Variants in GPALPP1 observed in about 807,000 individuals in gnomAD.
The protein encoded by GPALPP1 is GPALPP motifs-containing protein 1.
In GPALPP1, 30 loss-of-function variants were observed where a neutral mutation model predicts 38.9. The observed-to-expected ratio is 0.77, with a 90% CI of 0.58 to 1.05. The LOEUF is 1.05. Ranked by LOEUF, GPALPP1 falls within the 50% of genes least tolerant of loss-of-function variation. The probability of loss-of-function intolerance (pLI) is 0.00; values close to 1 mark genes in which losing one functional copy is unlikely to be tolerated. For synonymous variants in GPALPP1, 120 were observed against 139.2 expected, an observed-to-expected ratio of 0.86 and a Z score of 0.97; for missense variants, 384 against 408.8, an observed-to-expected ratio of 0.94 and a Z score of 0.52.
At chr13:44,995,169 AACACACACAC>A (rs371911111) in intron 1 of GPALPP1, among the ~76,000 whole-genome samples, 3 of 128,534 alleles carry the variant, frequency 2.3e-5, no homozygotes, top group Non-Finnish European at 4.8e-5. Context: ...CCTATCTTTA[AACACACACAC>A]ACACACACAC....
In GPALPP1 at chr13:44,992,693, C is replaced by T. The variant is rs370814070; in HGVS notation, c.88+2951C>T. On this transcript the variant is annotated intron_variant, in intron 1 of 7. Transcript: ENST00000379151. ...TTGCCCCTGTAAGGGTATCCTGGCACCATTTATTGAACAGACCATCCTTTC... is the reference window on the plus strand; with the variant it reads ...TTGCCCCTGTAAGGGTATCCTGGCATCATTTATTGAACAGACCATCCTTTC... Among the ~76,000 whole-genome samples the T allele has an allele frequency of 4.6e-5, 7 of 152,270 alleles. No individual in the cohort carries two copies. The South Asian group carries it at 1.4e-3, about 32-fold the overall frequency.
At chr13:45,024,147 C>CTGTGTGTG (rs58048658) in intron 7 of GPALPP1, among the ~76,000 whole-genome samples, 31 of 23,388 alleles carry the variant, frequency 1.3e-3, no homozygotes, top group Non-Finnish European at 2.0e-3. Context: ...CCCTAAAACT[C>CTGTGTGTG]TGTGTGTGTG....
At chr13:45,015,660 T>C in intron 6 of GPALPP1, 64 bp downstream of exon 6, 4 of 1,113,568 alleles carry the variant, frequency 3.6e-6, no homozygotes, top group East Asian at 2.8e-5. Context: ...TGAAAAGATA[T>C]AATGCAAAAT....
intron 4 of GPALPP1, among the ~76,000 whole-genome samples, chr13:45,010,405 C>A (rs905978075): frequency 2.6e-5 from 4 of 152,188 alleles, no homozygotes; most frequent in Non-Finnish European, 5.9e-5. Flanking sequence ...ACCGAAGATA[C>A]TATTAATTTT....
intron 7 of GPALPP1, among the ~76,000 whole-genome samples, chr13:45,020,687 T>C (rs1033312742): frequency 6.6e-6 from 1 of 152,044 alleles, no homozygotes; most frequent in Admixed American, 6.6e-5. Context: ...TAGCCTTTTT[T>C]CCCCTATCTT....
intron 6 of GPALPP1, among the ~76,000 whole-genome samples, chr13:45,019,845 T>C (rs577022668): frequency 6.7e-6 from 1 of 150,014 alleles, no homozygotes; most frequent in East Asian, 2.0e-4. Flanking sequence ...ACTAGAGCAG[T>C]AACTGATCTC....
intron 7 of GPALPP1, among the ~76,000 whole-genome samples, chr13:45,021,980 T>C (rs1340144521): frequency 2.0e-5 from 3 of 152,218 alleles, no homozygotes; most frequent in South Asian, 4.1e-4. Flanking sequence ...ATGTTATTCT[T>C]AATAGCCTCA....
rs1875976161 is a variant in GPALPP1 at position 45,028,120 on chromosome 13, T to G, written c.*117T>G. The G allele has an allele frequency of 4.2e-6, 2 of 478,842 alleles. No individual in the cohort carries two copies. The highest frequency in any genetic ancestry group is 3.9e-5 in the Admixed American group (1 of 25,644). 29.7% of individuals were successfully genotyped at this position (478,842 alleles called of 1,614,324 possible). On this transcript the variant is annotated 3_prime_UTR_variant, in exon 8 of 8. Transcript: ENST00000379151. ...TTTCCTTTTATAATAGATTAAAAAT[T>G]TTATATTTTTATAAGTAAACAGTGA...
intron 7 of GPALPP1, among the ~76,000 whole-genome samples, chr13:45,026,976 A>G (rs920801293): frequency 3.3e-5 from 5 of 152,216 alleles, no homozygotes; most frequent in African/African-American, 4.8e-5. Context: ...GGCCAAATCA[A>G]TTGTAAGAAA....
At chr13:44,996,989 CT>C (rs1472335701) in intron 1 of GPALPP1, among the ~76,000 whole-genome samples, 2 of 151,862 alleles carry the variant, frequency 1.3e-5, no homozygotes, top group Admixed American at 1.3e-4. Context: ...GTAATAACTC[CT>C]CATTCCCCCC....
chr13:45,020,478 A>G lies in GPALPP1; in HGVS notation c.804+50A>G, dbSNP rs574798695. ...GAGCCAGGTGTGATGGCTCTTGCCT[A>G]TAATCCCAGCTACTTGGGAGGCTGA... On this transcript the variant is annotated intron_variant, in intron 7 of 7. Transcript: ENST00000379151. 1.7e-4 allele frequency: 130 copies of G among 782,986 alleles called. 1 individual carries two copies. The East Asian group carries it at 3.2e-3, about 19-fold the overall frequency. 48.5% of individuals were successfully genotyped at this position (782,986 alleles called of 1,614,324 possible). A position where few individuals can be genotyped will look rare whatever the true frequency, so the allele number is the denominator to read the frequency against.
At chr13:45,020,247 TA>T in intron 6 of GPALPP1, 82 bp from the exon 7 acceptor site, 1 of 610,294 alleles carries the variant, frequency 1.6e-6, no homozygotes, top group Non-Finnish European at 2.9e-6. Flanking sequence ...TCTTGTTACT[TA>T]ATCTAAGTAA....
At chr13:44,989,882 T>G in intron 1 of GPALPP1, 140 bp downstream of exon 1, 1 of 628,750 alleles carries the variant, frequency 1.6e-6, no homozygotes, top group Non-Finnish European at 2.8e-6. Flanking sequence ...AACTTTTCTC[T>G]TCCCAAACAG....
At chr13:45,006,176 A>T in intron 2 of GPALPP1, 26 bp from the exon 3 acceptor site, 1 of 1,398,672 alleles carries the variant, frequency 7.1e-7, no homozygotes, top group Non-Finnish European at 9.9e-7. Context: ...ACATATATGC[A>T]TAAAGTTATA....
downstream of GPALPP1, chr13:45,030,947 G>A (rs951084611): frequency 1.3e-5 from 2 of 152,082 alleles, no homozygotes; most frequent in African/African-American, 2.4e-5. Flanking sequence ...CCTGAGGTCA[G>A]GAGTTCAAGA....
intron 1 of GPALPP1, among the ~76,000 whole-genome samples, chr13:45,000,876 G>A (rs1292104310): frequency 2.0e-5 from 3 of 152,168 alleles, no homozygotes; most frequent in South Asian, 2.1e-4. Context: ...TTGCTGTAAC[G>A]CAGCATGCCT....
At chr13:45,001,583 AT>A (rs1420490618) in intron 1 of GPALPP1, 1 of 148,408 alleles carries the variant, frequency 6.7e-6, no homozygotes, top group Non-Finnish European at 1.5e-5. Flanking sequence ...CCTAAGACCT[AT>A]CCTTGGTTCC....
At chr13:45,024,269 T>A (rs1460442833) in intron 7 of GPALPP1, among the ~76,000 whole-genome samples, 1 of 135,312 alleles carries the variant, frequency 7.4e-6, no homozygotes, top group African/African-American at 3.0e-5. Context: ...ACTCTGTGTG[T>A]GTGTGTGTGT....
rs117150476 is a variant in GPALPP1, at chr13:45,016,972, A to G, written c.705+1376A>G. Among the ~76,000 whole-genome samples the G allele has an allele frequency of 5.3e-3, 809 of 152,312 alleles. 4 individuals carry two copies. The highest frequency in any genetic ancestry group is 8.6e-3 in the Non-Finnish European group (583 of 68,030). ...TAATTTCTGTAAGACATCCCATTCAATTCTCAAATGCTTGACTAATTGTCA... is the reference window on the plus strand; with the variant it reads ...TAATTTCTGTAAGACATCCCATTCAGTTCTCAAATGCTTGACTAATTGTCA... On this transcript the variant is annotated intron_variant, in intron 6 of 7. Coordinates refer to ENST00000379151, the MANE Select transcript of GPALPP1 (RefSeq NM_018559.5).
Sources: allele counts gnomAD v4.1 joint callset (sites outside exome capture counted in the v4.1 genomes callset), GRCh38; gene constraint gnomAD v4.1.1; transcripts MANE v1.5; gene names NCBI Gene and HGNC (gene_info 2026-07-23, HGNC 2026-07-21).